Variants in ATAD3B observed in about 807,000 individuals in gnomAD.
ATAD3B encodes the protein ATPase family AAA domain-containing protein 3B.
A neutral mutation model predicts 70.2 loss-of-function variants in ATAD3B; 59 were observed. The ratio of observed to expected loss-of-function variants is 0.84; its 90% CI spans 0.68 to 1.04. The LOEUF (loss-of-function observed/expected upper bound fraction) is 1.04, where lower values mean the gene tolerates loss of function less well. Among genes scored for constraint, ATAD3B ranks in the 50% least tolerant of loss-of-function variants. The pLI is 0.00. For synonymous variants in ATAD3B, 423 were observed against 388.6 expected (o/e 1.09, Z -1.04); for missense variants, 961 against 913.4 (o/e 1.05, Z -0.67).
At chr1:1,475,415 C>T (rs1201959159) in intron 1 of ATAD3B, among the ~76,000 whole-genome samples, 3 of 151,744 alleles carry the variant, frequency 2.0e-5, no homozygotes, top group Non-Finnish European at 4.4e-5. Context: ...CGGCCCCTCC[C>T]GACGCTCCTG....
chr1:1,474,682 A>T (rs1352993057), intron 1 of ATAD3B, among the ~76,000 whole-genome samples: 2 of 151,362 alleles, frequency 1.3e-5, no homozygotes, highest in African/African-American at 4.9e-5. Context: ...GTGTTTTTTT[A>T]CTAGAGACGG....
the ATAD3B span, among the ~76,000 whole-genome samples, chr1:1,506,428 G>T: frequency 1.3e-5 from 2 of 148,950 alleles, no homozygotes; most frequent in African/African-American, 4.9e-5. Flanking sequence ...TTCTTGAGAT[G>T]GAGTCTCACT....
At chr1:1,502,036 G>T (rs1175276224), downstream of ATAD3B, among the ~76,000 whole-genome samples, 4 of 151,788 alleles carry the variant, frequency 2.6e-5, no homozygotes, top group African/African-American at 9.7e-5. Flanking sequence ...CCACCACCAT[G>T]CCCAGCTAGT....
In ATAD3B at chr1:1,485,199, A is replaced by T. The variant is rs556663467; in HGVS notation, c.906+28A>T. The T allele has an allele frequency of 2.8e-5, 45 of 1,607,958 alleles. No homozygotes were observed. In the South Asian group the frequency reaches 3.2e-4, roughly 11 times the overall value. ...AGCGGCGCAGGCCTGGCCCTCCCTG[A>T]GTGCAGTTCCTGGCTGAGTCCCTTC... On this transcript the variant is annotated intron_variant, in intron 8 of 15. Transcript: ENST00000673477.
chr1:1,486,929 G>T (rs1403995320), intron 11 of ATAD3B, among the ~76,000 whole-genome samples: 4 of 151,030 alleles, frequency 2.6e-5, no homozygotes, highest in South Asian at 4.2e-4. Flanking sequence ...GGTGCAGGGG[G>T]AGAGGGGTCT....
At chr1:1,500,414 TG>T (rs1640917808), downstream of ATAD3B, among the ~76,000 whole-genome samples, 2 of 146,266 alleles carry the variant, frequency 1.4e-5, no homozygotes. Flanking sequence ...TAGCCGGGCG[TG>T]GTGGCGGGCA....
intron 2 of ATAD3B, 36 bp from the exon 3 acceptor site, chr1:1,478,608 G>T (rs1341918857): frequency 1.9e-6 from 3 of 1,549,552 alleles, no homozygotes; most frequent in Non-Finnish European, 8.7e-7. Context: ...TGCCAGCCCT[G>T]AGCAAGTGCC....
At position 1,486,535 on chromosome 1, in the gene ATAD3B, C is replaced by T. The variant is rs1374448224; in HGVS notation, c.1090-9C>T. 2 of 1,611,964 alleles carry T rather than the reference C, an allele frequency of 1.2e-6. No individual in the cohort carries two copies. The highest frequency in any genetic ancestry group is 1.6e-4 in the Middle Eastern group (1 of 6,078). On this transcript the variant is annotated splice_polypyrimidine_tract_variant and intron_variant, in intron 10 of 15. Coordinates refer to ENST00000673477, the MANE Select transcript of ATAD3B (RefSeq NM_031921.6). ...ATCTGTTCTGTCTCCCCTCACTCTTCTTGTCCAGAAACTCGCCCTGCACTC... is the reference window on the plus strand; with the variant it reads ...ATCTGTTCTGTCTCCCCTCACTCTTTTTGTCCAGAAACTCGCCCTGCACTC...
Position 1,477,356 on chromosome 1 carries a change from T to TG in ATAD3B, c.282+10dup, listed in dbSNP as rs751719866. 19 of 1,611,744 alleles carry TG rather than the reference T, an allele frequency of 1.2e-5. No individual in the cohort carries two copies. In the East Asian group the frequency reaches 4.0e-4, roughly 34 times the overall value. On this transcript the variant is annotated splice_region_variant and intron_variant, in intron 2 of 15. Coordinates refer to ENST00000673477, the MANE Select transcript of ATAD3B (RefSeq NM_031921.6). ...AGCAACAGTCCAAGCTCAAAGTGAG[T>TG]GGGGCCGGTGTGGGCGAGGAGGCCG...
intron 13 of ATAD3B, 145 bp from the exon 14 acceptor site, chr1:1,490,112 C>A (rs899791475): frequency 3.5e-6 from 5 of 1,438,004 alleles, no homozygotes; most frequent in Middle Eastern, 2.5e-4. Flanking sequence ...GCTGTGGCTG[C>A]GTTCTCCCCA....
At chr1:1,490,794 C>T in intron 15 of ATAD3B, 123 bp downstream of exon 15, 1 of 1,484,604 alleles carries the variant, frequency 6.7e-7, no homozygotes, top group Non-Finnish European at 9.0e-7. Context: ...GTTTTCAGTG[C>T]ACAGACGTGA....
chr1:1,503,794 G>C, the ATAD3B span: 1 of 1,357,060 alleles, frequency 7.4e-7, no homozygotes, highest in Non-Finnish European at 1.0e-6. Context: ...GGCCGAGCTT[G>C]GGCGCCTCAT....
chr1:1,475,651 C>T (rs1268334445), intron 1 of ATAD3B, among the ~76,000 whole-genome samples: 1 of 148,488 alleles, frequency 6.7e-6, no homozygotes, highest in African/African-American at 2.6e-5. Context: ...TCTGTGAGCA[C>T]CAGCGCTCGC....
chr1:1,485,704 C>T (rs1233671536), intron 8 of ATAD3B, 78 bp from the exon 9 acceptor site: 23 of 1,589,118 alleles, frequency 1.4e-5, no homozygotes, highest in Middle Eastern at 1.9e-4. Context: ...TGTGTGTTAC[C>T]GAGCATGTGT....
chr1:1,475,804 C>T (rs1248665614), intron 1 of ATAD3B, among the ~76,000 whole-genome samples: 1 of 151,502 alleles, frequency 6.6e-6, no homozygotes, highest in Non-Finnish European at 1.5e-5. Context: ...AGAGGCCACA[C>T]GGGCACCTGA....
chr1:1,509,419 C>G, the ATAD3B span: 7 of 1,596,766 alleles, frequency 4.4e-6, no homozygotes, highest in Non-Finnish European at 6.0e-6. Flanking sequence ...TTTGCGGCCC[C>G]GCACATTTAG....
chr1:1,486,787 C>T lies in ATAD3B; in HGVS notation c.1214+119C>T. 2.0e-6 allele frequency: 3 copies of T among 1,483,098 alleles called. 1 individual carries two copies. Among genetic ancestry groups the T allele is most frequent in the Non-Finnish European group, 2.7e-6 (3 of 1,115,246 alleles). 91.9% of individuals were successfully genotyped at this position (1,483,098 alleles called of 1,614,324 possible). On this transcript the variant is annotated intron_variant, in intron 11 of 15. Transcript: ENST00000673477. The stretch of plus-strand genomic sequence containing the variant: ...TCTTTCTGCAGCTCTGTCCTTGTGG[C>T]CACGCAGGAGGCCCAATGGAGGGTC...
the ATAD3B span, among the ~76,000 whole-genome samples, chr1:1,505,202 G>A: frequency 1.3e-5 from 2 of 152,252 alleles, no homozygotes; most frequent in South Asian, 2.1e-4. Context: ...GTAAGGTCAC[G>A]TGGGTCACGT....
At chr1:1,474,480 G>A (rs1024205759) in intron 1 of ATAD3B, among the ~76,000 whole-genome samples, 3 of 151,198 alleles carry the variant, frequency 2.0e-5, no homozygotes, top group Non-Finnish European at 4.4e-5. Context: ...GTGAGCCACC[G>A]CGCCCGGCTT....
Sources: allele counts gnomAD v4.1 joint callset (sites outside exome capture counted in the v4.1 genomes callset), GRCh38; gene constraint gnomAD v4.1.1; transcripts MANE v1.5; gene names NCBI Gene and HGNC (gene_info 2026-07-23, HGNC 2026-07-21).